LYPD6B: variants seen among roughly 807,000 people sequenced by gnomAD.
The protein encoded by LYPD6B is ly6/PLAUR domain-containing protein 6B.
In LYPD6B, 17 loss-of-function variants were observed where a neutral mutation model predicts 22.8. That is an observed-to-expected ratio of 0.75 (90% CI 0.51 to 1.12). The LOEUF (loss-of-function observed/expected upper bound fraction) is 1.12, where lower values mean the gene tolerates loss of function less well. Among genes scored for constraint, LYPD6B ranks in the 50% most tolerant of loss-of-function variants. The pLI is 0.00. For synonymous variants in LYPD6B, 106 were observed against 91.6 expected (o/e 1.16, Z -0.90); for missense variants, 221 against 258.3 (o/e 0.86, Z 0.99).
chr2:149,083,264 C>T (rs7604446), intron 1 of LYPD6B, among the ~76,000 whole-genome samples: 53,160 of 152,032 alleles, frequency 0.35, 11,007 homozygotes, highest in Middle Eastern at 0.55. Flanking sequence ...GCATTTCACC[C>T]CTAAATACTT....
chr2:149,198,415 G>T (rs1040427709), intron 3 of LYPD6B, among the ~76,000 whole-genome samples: 11 of 152,146 alleles, frequency 7.2e-5, no homozygotes, highest in Non-Finnish European at 1.2e-4. Flanking sequence ...CTCCAGAAAG[G>T]TATAAAATCC....
chr2:149,089,735 T>G (rs1685562505), intron 1 of LYPD6B, among the ~76,000 whole-genome samples: 1 of 152,238 alleles, frequency 6.6e-6, no homozygotes, highest in African/African-American at 2.4e-5. Context: ...CTGGTTGGTT[T>G]TAATTGTTGC....
chr2:149,148,047 A>G (rs1689145559), intron 2 of LYPD6B, among the ~76,000 whole-genome samples: 1 of 151,824 alleles, frequency 6.6e-6, no homozygotes, highest in Admixed American at 6.6e-5. Context: ...GTTTCTCTTG[A>G]CCCATTTGCC....
At chr2:149,161,845 A>G (rs941474379) in intron 3 of LYPD6B, among the ~76,000 whole-genome samples, 1 of 152,242 alleles carries the variant, frequency 6.6e-6, no homozygotes, top group African/African-American at 2.4e-5. Context: ...ATATGTTTCA[A>G]GTACAAAGCA....
intron 1 of LYPD6B, among the ~76,000 whole-genome samples, chr2:149,092,364 G>A (rs1321175440): frequency 6.6e-6 from 1 of 152,122 alleles, no homozygotes; most frequent in Non-Finnish European, 1.5e-5. Flanking sequence ...TTAGACTTGG[G>A]ATGTCATGAA....
intron 5 of LYPD6B, among the ~76,000 whole-genome samples, chr2:149,211,517 A>C (rs1378711118): frequency 7.2e-5 from 11 of 152,102 alleles, no homozygotes; most frequent in African/African-American, 2.7e-4. Flanking sequence ...AACACAAGTT[A>C]TAGGAGTACC....
At chr2:149,061,631 G>C (rs1684086667) in intron 1 of LYPD6B, among the ~76,000 whole-genome samples, 1 of 152,008 alleles carries the variant, frequency 6.6e-6, no homozygotes, top group Admixed American at 6.6e-5. Flanking sequence ...TTGGAGGATG[G>C]GGGCAGTGAT....
intron 1 of LYPD6B, among the ~76,000 whole-genome samples, chr2:149,107,008 CA>C (rs1165722866): frequency 6.6e-6 from 1 of 152,080 alleles, no homozygotes; most frequent in Admixed American, 6.6e-5. Flanking sequence ...CTATGTTTTT[CA>C]TTATACATAC....
Position 149,067,211 on chromosome 2 carries a change from C to T in LYPD6B, c.-67+28410C>T, listed in dbSNP as rs556794384. Among the ~76,000 whole-genome samples the T allele has an allele frequency of 3.3e-5, 5 of 152,228 alleles. No individual in the cohort carries two copies. In the South Asian group the frequency reaches 8.3e-4, roughly 25 times the overall value. The stretch of plus-strand genomic sequence containing the variant: ...ACACACTCTGCAGGTGGTTCTTATG[C>T]CTGCTTCAGTTTGAGAAGCGCTGCT... On this transcript the variant is annotated intron_variant, in intron 1 of 6. Transcript: ENST00000409642.
At chr2:149,134,632 A>G (rs1417658780) in intron 2 of LYPD6B, among the ~76,000 whole-genome samples, 2 of 152,208 alleles carry the variant, frequency 1.3e-5, no homozygotes, top group South Asian at 2.1e-4. Flanking sequence ...TATGCCAACA[A>G]CCCCATTCTC....
At chr2:149,205,219 A>G (rs369932373) in intron 3 of LYPD6B, 34 bp from the exon 4 acceptor site, 2 of 1,575,378 alleles carry the variant, frequency 1.3e-6, no homozygotes, top group Non-Finnish European at 8.6e-7. Context: ...TGTAAAATAT[A>G]AAGAAACTGA....
At chr2:149,185,328 G>T (rs528741772) in intron 3 of LYPD6B, among the ~76,000 whole-genome samples, 1 of 152,310 alleles carries the variant, frequency 6.6e-6, no homozygotes, top group South Asian at 2.1e-4. Context: ...ACCACCCACC[G>T]GTAGGAAGCA....
chr2:149,067,777 T>C (rs1163173765), intron 1 of LYPD6B, among the ~76,000 whole-genome samples: 1 of 152,136 alleles, frequency 6.6e-6, no homozygotes, highest in African/African-American at 2.4e-5. Flanking sequence ...TATTTTACAG[T>C]CCAAATGGAG....
At chr2:149,205,984 G>C in intron 4 of LYPD6B, 1 of 466,592 alleles carries the variant, frequency 2.1e-6, no homozygotes, top group South Asian at 1.6e-5. Context: ...ATATGTGTTT[G>C]TATACATATG....
In LYPD6B at chr2:149,139,840, G is replaced by A. The variant is rs147084216; in HGVS notation, c.5+8887G>A. ...GAAGATAGGTAATATGGACATAGTT[G>A]TGAACTCCTCTCCATTTCCCATGAA... On this transcript the variant is annotated intron_variant, in intron 2 of 6. Transcript: ENST00000409642. Among the ~76,000 whole-genome samples the A allele has an allele frequency of 3.3e-5, 5 of 152,294 alleles. No individual in the cohort carries two copies. In the East Asian group the frequency reaches 9.7e-4, roughly 29 times the overall value.
At chr2:149,102,732 C>A (rs536773643) in intron 1 of LYPD6B, among the ~76,000 whole-genome samples, 4 of 152,214 alleles carry the variant, frequency 2.6e-5, no homozygotes, top group African/African-American at 9.6e-5. Context: ...TGGGTTGAAG[C>A]GATTCTCCTG....
chr2:149,206,475 G>T (rs1243129938), intron 4 of LYPD6B, among the ~76,000 whole-genome samples: 2 of 151,814 alleles, frequency 1.3e-5, no homozygotes, highest in African/African-American at 4.8e-5. Context: ...TTTCTAAATT[G>T]GTAATAATTG....
chr2:149,082,073 C>T (rs888628365), intron 1 of LYPD6B, among the ~76,000 whole-genome samples: 2 of 152,188 alleles, frequency 1.3e-5, no homozygotes, highest in Non-Finnish European at 2.9e-5. Context: ...GCTGCTCTCA[C>T]AGATTCAAAT....
At chr2:149,069,907 CTTT>C (rs201360515) in intron 1 of LYPD6B, among the ~76,000 whole-genome samples, 6 of 141,572 alleles carry the variant, frequency 4.2e-5, no homozygotes, top group Admixed American at 1.4e-4. Flanking sequence ...AGCTGTACAA[CTTT>C]TTTTTTTTTT....
Sources: gnomAD v4.1 joint callset for allele counts (sites outside exome capture counted in the v4.1 genomes callset) on GRCh38, gnomAD v4.1.1 for gene constraint, MANE v1.5 for transcripts, NCBI Gene and HGNC (gene_info 2026-07-23, HGNC 2026-07-21) for gene names.